Variants in RELB observed in about 807,000 individuals in gnomAD.
RELB encodes transcription factor RelB.
Under a neutral mutation model 55.4 loss-of-function variants are expected in RELB, and 14 were observed. The observed-to-expected ratio is 0.25, with a 90% CI of 0.17 to 0.40. The LOEUF (loss-of-function observed/expected upper bound fraction) is 0.40, where lower values mean the gene tolerates loss of function less well. RELB is among the 10% of genes least tolerant of loss of function. The pLI is 1.00. For missense variants in RELB, 669 were observed against 830.7 expected, an observed-to-expected ratio of 0.81 and a Z score of 2.39; for synonymous variants, 409 against 371.3, an observed-to-expected ratio of 1.10 and a Z score of -1.17.
chr19:45,031,377 A>C (rs1971619053), intron 8 of RELB, among the ~76,000 whole-genome samples: 1 of 152,032 alleles, frequency 6.6e-6, no homozygotes, highest in Non-Finnish European at 1.5e-5. Flanking sequence ...TGCCAGCTTT[A>C]GCCTCCCAAA....
In RELB at chr19:45,009,782, C is replaced by CCT. The variant is rs533206868; in HGVS notation, c.155-31_155-30dup. Reference sequence around the variant, plus strand: ...AGTTGTGACCACTTTCTGGACCTTACCTTTCTCTTTCTCTTTCTCTTCCTT... The same window carrying CCT: ...AGTTGTGACCACTTTCTGGACCTTACCTCTTTCTCTTTCTCTTTCTCTTCCTT... On this transcript the variant is annotated intron_variant, in intron 2 of 11. Transcript: ENST00000221452. The CCT allele has an allele frequency of 7.5e-4, 1,196 of 1,598,682 alleles. 3 individuals are homozygous for CCT. Among genetic ancestry groups the CCT allele is most frequent in the Non-Finnish European group, 9.3e-4 (1,094 of 1,179,258 alleles).
intron 3 of RELB, 30 bp downstream of exon 3, chr19:45,009,852 G>A: frequency 1.3e-6 from 2 of 1,597,812 alleles, no homozygotes; most frequent in Non-Finnish European, 1.7e-6. Context: ...TTTGCGGGGA[G>A]GCTGAGGGAC....
intron 11 of RELB, among the ~76,000 whole-genome samples, 154 bp downstream of exon 11, chr19:45,034,682 T>C (rs1971667004): frequency 6.6e-6 from 1 of 152,148 alleles, no homozygotes; most frequent in Non-Finnish European, 1.5e-5. Flanking sequence ...GAATGAGGGC[T>C]TTGGAGACAG....
rs769029196 is a variant in RELB, at chr19:45,003,532, C to A, written c.154+536C>A. On this transcript the variant is annotated intron_variant, in intron 2 of 11. Coordinates refer to ENST00000221452, the MANE Select transcript of RELB (RefSeq NM_006509.4). ...AGGTAAATCTTACCACCTATCCATG[C>A]GCAAAGGCTTCTTTAGAGATTCACT... is the stretch of plus-strand genomic sequence containing the variant. 1.6e-5 allele frequency: 8 copies of A among 512,154 alleles called. No homozygotes were observed. The East Asian group carries it at 4.4e-4, about 28-fold the overall frequency. 31.7% of individuals were successfully genotyped at this position (512,154 alleles called of 1,614,324 possible).
chr19:45,015,127 T>C (rs1358614300), intron 4 of RELB, among the ~76,000 whole-genome samples: 1 of 151,938 alleles, frequency 6.6e-6, no homozygotes, highest in Non-Finnish European at 1.5e-5. Context: ...GATGTCAAAC[T>C]CCTGCCCTCA....
rs1405162566 is a variant in RELB at position 45,003,915 on chromosome 19, G to GGTT, written c.154+919_154+920insGTT. On this transcript the variant is annotated intron_variant, in intron 2 of 11. Transcript: ENST00000221452. ...TGGGTTTTTTTTGTCTGTTTTTTGT[G>GGTT]TTTTTTTTTTTTTTTTTTTTTTTTT... 4.7e-4 allele frequency among the ~76,000 whole-genome samples: 30 copies of GGTT among 63,576 alleles called. No homozygotes were observed. The East Asian group carries it at 4.9e-3, about 10-fold the overall frequency. 41.7% of individuals were successfully genotyped at this position (63,576 alleles called of 152,430 possible). A position where few individuals can be genotyped will look rare whatever the true frequency, so the allele number is the denominator to read the frequency against.
intron 4 of RELB, among the ~76,000 whole-genome samples, chr19:45,014,410 A>G (rs1319049614): frequency 6.6e-6 from 1 of 151,654 alleles, no homozygotes; most frequent in Non-Finnish European, 1.5e-5. Flanking sequence ...GCCTCAAGCA[A>G]TCCTCCCACT....
intron 7 of RELB, among the ~76,000 whole-genome samples, chr19:45,026,278 C>G (rs778206380): frequency 2.6e-5 from 4 of 151,754 alleles, no homozygotes; most frequent in African/African-American, 4.8e-5. Flanking sequence ...TGACATGCAC[C>G]TGTAGTCCCA....
intron 8 of RELB, 107 bp downstream of exon 8, chr19:45,029,099 G>A (rs954230330): frequency 1.1e-4 from 83 of 754,158 alleles, no homozygotes; most frequent in Non-Finnish European, 1.7e-4. Flanking sequence ...TGGTTAACCA[G>A]GGCACCAGAG....
rs1555725655 is a variant in RELB, at chr19:45,012,273, C to T, written c.501C>T (p.Ile167=). The change falls in exon 4 of 12, where the codon ATC becomes ATT. Residue 167 remains isoleucine (I), a synonymous_variant. Transcript: ENST00000221452. ...AGGCCAGCAAGACGCTGCCCGCCAT[C>T]GAGGTGGGCCCGGCGAGCGGCCCCG... ...STEASKTLPA[I]ELRDCGGLRE... 2.1e-6 allele frequency: 3 copies of T among 1,402,056 alleles called. No homozygotes were observed. The highest frequency in any genetic ancestry group is 2.8e-6 in the Non-Finnish European group (3 of 1,084,502). 86.9% of individuals were successfully genotyped at this position (1,402,056 alleles called of 1,614,324 possible).
rs978330480 is a variant in RELB, at chr19:45,037,862, T to C, written c.*72T>C. 1.3e-4 allele frequency: 176 copies of C among 1,397,378 alleles called. No individual in the cohort carries two copies. Among genetic ancestry groups the C allele is most frequent in the Non-Finnish European group, 1.5e-4 (156 of 1,061,356 alleles). The allele number at this position is 1,397,378 out of a possible 1,614,324, so 86.6% of individuals were successfully genotyped here. A position where few individuals can be genotyped will look rare whatever the true frequency, so the allele number is the denominator to read the frequency against. Reference sequence around the variant, plus strand: ...GAGCCGTGCAATCCCAACCAGGATGTCTAGCACCCCCATCCCCTTGGCCCT... The same window carrying C: ...GAGCCGTGCAATCCCAACCAGGATGCCTAGCACCCCCATCCCCTTGGCCCT... On this transcript the variant is annotated 3_prime_UTR_variant, in exon 12 of 12. Coordinates refer to ENST00000221452, the MANE Select transcript of RELB (RefSeq NM_006509.4).
intron 2 of RELB, among the ~76,000 whole-genome samples, chr19:45,003,915 GTTTTTTTTT>G (rs1039624578): frequency 3.1e-5 from 2 of 63,574 alleles, no homozygotes; most frequent in Non-Finnish European, 5.6e-5. Context: ...TGTTTTTTGT[GTTTTTTTTT>G]TTTTTTTTTT....
chr19:45,034,445 C>T lies in RELB; in HGVS notation c.1277-6C>T, dbSNP rs1202582355. 6.2e-7 allele frequency: 1 copy of T among 1,612,026 alleles called. No individual in the cohort carries two copies. Among genetic ancestry groups the T allele is most frequent in the Non-Finnish European group, 8.5e-7 (1 of 1,179,068 alleles). On this transcript the variant is annotated splice_region_variant and splice_polypyrimidine_tract_variant and intron_variant, in intron 10 of 11. Transcript: ENST00000221452. Reference sequence around the variant, plus strand: ...AACAGGGGTCCTCATCTCTGCCTTCCCTCAGACCCCCATGGCATCGAGAGC... The same window carrying T: ...AACAGGGGTCCTCATCTCTGCCTTCTCTCAGACCCCCATGGCATCGAGAGC...
At chr19:45,005,175 G>GA (rs1241576582) in intron 2 of RELB, among the ~76,000 whole-genome samples, 6 of 151,370 alleles carry the variant, frequency 4.0e-5, no homozygotes, top group Non-Finnish European at 7.4e-5. Context: ...TCCGTCTCAG[G>GA]AAAAAAAACA....
chr19:45,012,212 G>C lies in RELB; in HGVS notation c.440G>C (p.Arg147Pro). 6.7e-7 allele frequency: 1 copy of C among 1,499,500 alleles called. No individual in the cohort carries two copies. Among genetic ancestry groups the C allele is most frequent in the Non-Finnish European group, 8.8e-7 (1 of 1,138,572 alleles). 92.9% of individuals were successfully genotyped at this position (1,499,500 alleles called of 1,614,324 possible). Residue 147 changes from arginine to proline, a missense_variant, in exon 4 of 12, where the codon CGC becomes CCC. By Grantham distance (103) the Arg-to-Pro change is moderately radical. Around this residue, in one of 3 missense-constraint regions of RELB, gnomAD observed 323 missense variants for 368.5 expected, o/e 0.88. Transcript: ENST00000221452. ...GMRFRYECEGRSAGSILGESS... is the reference protein window; with the variant it reads ...GMRFRYECEGPSAGSILGESS... ...CGCTTCCGCTACGAGTGCGAGGGCC[G>C]CTCGGCCGGCAGCATCCTTGGGGAG...
At chr19:45,021,559 G>A (rs977831910) in intron 4 of RELB, among the ~76,000 whole-genome samples, 3 of 145,230 alleles carry the variant, frequency 2.1e-5, no homozygotes, top group Admixed American at 7.1e-5. Flanking sequence ...TCTGGTTTAG[G>A]ATATCAAAGT....
chr19:45,026,764 G>T (rs1406230753), intron 7 of RELB, among the ~76,000 whole-genome samples: 1 of 152,086 alleles, frequency 6.6e-6, no homozygotes, highest in Non-Finnish European at 1.5e-5. Context: ...ACTCCTAGTT[G>T]CAGGGTGGTC....
In RELB at chr19:45,034,504, C is replaced by T. The variant is rs1424236102; in HGVS notation, c.1330C>T (p.His444Tyr). The T allele has an allele frequency of 6.2e-7, 1 of 1,607,778 alleles. No individual in the cohort carries two copies. Among genetic ancestry groups the T allele is most frequent in the South Asian group, 1.1e-5 (1 of 89,796 alleles). The change falls in exon 11 of 12, where the codon CAC (histidine) becomes TAC (tyrosine). Residue 444 changes from histidine (H) to tyrosine (Y), a missense_variant. Physicochemically the swap from His to Tyr is moderately conservative, Grantham distance 83 (BLOSUM62 2). Coordinates refer to ENST00000221452, the MANE Select transcript of RELB (RefSeq NM_006509.4). ...GAAGAAAAAGCCGGCCATCCTGGAC[C>T]ACTTCCTGCCCAACCACGGCTCAGG... ...RRKKKPAILD[H>Y]FLPNHGSGPF...
chr19:45,013,730 G>A (rs892567804), intron 4 of RELB, among the ~76,000 whole-genome samples: 1 of 151,962 alleles, frequency 6.6e-6, no homozygotes, highest in Non-Finnish European at 1.5e-5. Context: ...TACTCGGGAG[G>A]CTGAGGCAGA....
Sources: allele counts gnomAD v4.1 joint callset (sites outside exome capture counted in the v4.1 genomes callset), GRCh38; gene constraint gnomAD v4.1.1; regional missense constraint gnomAD v4.1.1; transcripts MANE v1.5; gene names NCBI Gene and HGNC (gene_info 2026-07-23, HGNC 2026-07-21).